The following CENPP variants were observed in gnomAD, a reference collection of about 807,000 sequenced individuals.
CENPP encodes the protein centromere protein P.
In CENPP, 24 loss-of-function variants were observed where a neutral mutation model predicts 35.6. The observed-to-expected ratio is 0.67, with a 90% CI of 0.49 to 0.95. The LOEUF (loss-of-function observed/expected upper bound fraction) is 0.95. Among genes scored for constraint, CENPP ranks in the 40% least tolerant of loss-of-function variants. The pLI, the probability that CENPP is intolerant of heterozygous loss-of-function variation, is 0.00. For missense variants in CENPP, 332 were observed against 345.3 expected (o/e 0.96, Z 0.31); for synonymous variants, 120 against 125.5 (o/e 0.96, Z 0.29).
At chr9:92,549,339 A>G (rs1422737970) in intron 5 of CENPP, among the ~76,000 whole-genome samples, 1 of 152,210 alleles carries the variant, frequency 6.6e-6, no homozygotes, top group African/African-American at 2.4e-5. Context: ...GCACAGGACA[A>G]GAATGATTTG....
At chr9:92,560,213 A>G (rs1325809110) in intron 5 of CENPP, among the ~76,000 whole-genome samples, 1 of 152,124 alleles carries the variant, frequency 6.6e-6, no homozygotes, top group Non-Finnish European at 1.5e-5. Flanking sequence ...TGGAAGAAAC[A>G]AAAAACAAAC....
intron 5 of CENPP, among the ~76,000 whole-genome samples, chr9:92,505,049 G>A (rs1846914240): frequency 6.6e-6 from 1 of 152,216 alleles, no homozygotes; most frequent in African/African-American, 2.4e-5. Context: ...CTACAGAGTT[G>A]CTGAAACAGT....
At chr9:92,584,990 AT>A (rs1850508194) in intron 5 of CENPP, among the ~76,000 whole-genome samples, 1 of 152,258 alleles carries the variant, frequency 6.6e-6, no homozygotes, top group South Asian at 2.1e-4. Flanking sequence ...GTGCTTCAGT[AT>A]TTAGTTGAAG....
intron 5 of CENPP, among the ~76,000 whole-genome samples, chr9:92,509,650 A>C (rs1207272793): frequency 1.3e-5 from 2 of 152,228 alleles, no homozygotes; most frequent in African/African-American, 4.8e-5. Context: ...TGCCTTGTGA[A>C]TAATAAGAAC....
chr9:92,415,007 G>T, intron 5 of CENPP: 1 of 562,420 alleles, frequency 1.8e-6, no homozygotes, highest in Non-Finnish European at 3.0e-6. Flanking sequence ...TGATGCAGAT[G>T]TCACCAACAA....
At chr9:92,337,163 C>G (rs1297392864) in intron 2 of CENPP, among the ~76,000 whole-genome samples, 1 of 152,036 alleles carries the variant, frequency 6.6e-6, no homozygotes, top group Non-Finnish European at 1.5e-5. Context: ...ACTAAAAATA[C>G]AAAAATTAGC....
At chr9:92,415,397 T>G in intron 5 of CENPP, 1 of 1,613,746 alleles carries the variant, frequency 6.2e-7, no homozygotes, top group Non-Finnish European at 8.5e-7. Flanking sequence ...TCTTTTAGTT[T>G]ATTTTGGTCC....
chr9:92,459,857 A>G, intron 5 of CENPP: 1 of 1,170,758 alleles, frequency 8.5e-7, no homozygotes, highest in Non-Finnish European at 1.2e-6. Context: ...TAGTTAGAAT[A>G]TAAGCCTGTC....
chr9:92,431,313 T>C lies in CENPP; in HGVS notation c.564+51454T>C, dbSNP rs368657039. The stretch of plus-strand genomic sequence containing the variant: ...ATTTCTCAACGTTATATTATTTCCC[T>C]TTGACATGCCTGTCGATTGATGCAC... On this transcript the variant is annotated intron_variant, in intron 5 of 7. Coordinates refer to ENST00000375587, the MANE Select transcript of CENPP (RefSeq NM_001012267.3). 9.2e-5 allele frequency among the ~76,000 whole-genome samples: 14 copies of C among 152,216 alleles called. No individual in the cohort carries two copies. The East Asian group carries it at 1.7e-3, about 19-fold the overall frequency.
intron 5 of CENPP, among the ~76,000 whole-genome samples, chr9:92,508,229 T>G (rs896118464): frequency 2.0e-5 from 3 of 152,260 alleles, no homozygotes; most frequent in Middle Eastern, 6.8e-3. Context: ...CTCTTAGAAC[T>G]CAGCCCACCC....
At chr9:92,562,950 C>T (rs1294575026) in intron 5 of CENPP, among the ~76,000 whole-genome samples, 1 of 152,112 alleles carries the variant, frequency 6.6e-6, no homozygotes, top group Non-Finnish European at 1.5e-5. Context: ...AAGATGATAT[C>T]ATCATTTTCA....
chr9:92,526,222 A>C (rs1297395541), intron 5 of CENPP, among the ~76,000 whole-genome samples: 1 of 152,196 alleles, frequency 6.6e-6, no homozygotes, highest in Non-Finnish European at 1.5e-5. Context: ...TGTTTGTCTC[A>C]GTTTTTAACA....
chr9:92,619,680 G>C lies in CENPP; in HGVS notation c.*6531G>C. 3 of 967,828 alleles carry C rather than the reference G, an allele frequency of 3.1e-6. No homozygotes were observed. The highest frequency in any genetic ancestry group is 3.2e-6 in the Non-Finnish European group (2 of 630,380). The allele number at this position is 967,828 out of a possible 1,614,324, so 60.0% of individuals were successfully genotyped here. The stretch of plus-strand genomic sequence containing the variant: ...CTGCTTCCTGCCTCAGAACCTGAGG[G>C]TGGGATTAGGAGCGAGGGCCACGGT... On this transcript the variant is annotated 3_prime_UTR_variant, in exon 8 of 8. Coordinates refer to ENST00000375587, the MANE Select transcript of CENPP (RefSeq NM_001012267.3).
intron 5 of CENPP, chr9:92,505,703 A>T (rs759590639): frequency 6.5e-7 from 1 of 1,549,316 alleles, no homozygotes; most frequent in Non-Finnish European, 8.7e-7. Flanking sequence ...ATAAAAAATA[A>T]AAGTATTAGA....
At chr9:92,338,404 G>A (rs2130790143) in intron 3 of CENPP, among the ~76,000 whole-genome samples, 1 of 152,212 alleles carries the variant, frequency 6.6e-6, no homozygotes, top group East Asian at 1.9e-4. Context: ...ATCCACGGAT[G>A]CTCAAGTCCC....
chr9:92,542,767 C>T (rs1020030672), intron 5 of CENPP, among the ~76,000 whole-genome samples: 2 of 152,192 alleles, frequency 1.3e-5, no homozygotes, highest in Non-Finnish European at 2.9e-5. Context: ...CGGCCTCGGC[C>T]TCCCAAAGCG....
At chr9:92,470,664 C>A in intron 5 of CENPP, 3 of 1,394,368 alleles carry the variant, frequency 2.2e-6, no homozygotes, top group South Asian at 2.5e-5. Context: ...AGGATATATT[C>A]TTACATAAAG....
chr9:92,567,380 A>ATATC (rs1554688252), intron 5 of CENPP, among the ~76,000 whole-genome samples: 1 of 92,734 alleles, frequency 1.1e-5, no homozygotes, highest in Non-Finnish European at 2.1e-5. Flanking sequence ...ATAGATATAT[A>ATATC]TATATATATA....
intron 5 of CENPP, chr9:92,474,504 TAAATG>T: frequency 7.1e-7 from 1 of 1,405,028 alleles, no homozygotes; most frequent in Non-Finnish European, 9.3e-7. Context: ...CCTAAAAACT[TAAATG>T]AAAAAAACTT....
Sources: gnomAD v4.1 joint callset for allele counts (sites outside exome capture counted in the v4.1 genomes callset) on GRCh38, gnomAD v4.1.1 for gene constraint, MANE v1.5 for transcripts, NCBI Gene and HGNC (gene_info 2026-07-23, HGNC 2026-07-21) for gene names.